The following HSPD1 variants were observed in gnomAD, a reference collection of about 807,000 sequenced individuals.
HSPD1 encodes heat shock protein family D (Hsp60) member 1.
HSPD1 carries 3 observed loss-of-function variants against 53.0 expected under a neutral mutation model. The observed-to-expected ratio is 0.06, with a 90% confidence interval of 0.03 to 0.15. The LOEUF is 0.15. Ranked by LOEUF, HSPD1 falls within the 10% of genes least tolerant of loss-of-function variation. The probability of loss-of-function intolerance (pLI) is 1.00; values close to 1 mark genes in which losing one functional copy is unlikely to be tolerated. For synonymous variants in HSPD1, 200 were observed against 228.0 expected (o/e 0.88, Z 1.10); for missense variants, 431 against 694.1 (o/e 0.62, Z 4.26).
At chr2:197,491,843 A>G (rs2086097174) in intron 7 of HSPD1, among the ~76,000 whole-genome samples, 1 of 152,224 alleles carries the variant, frequency 6.6e-6, no homozygotes, top group Non-Finnish European at 1.5e-5. Context: ...ACAACAGACT[A>G]AATACTTGAT....
rs373676717 is a variant in HSPD1 at position 197,495,478 on chromosome 2, TAA to T, written c.428-104_428-103del. ...TGACAAATATTTTAATGCCTTAACT[TAA>T]AAAAAAAAATTTTTTTTTTTTTTGA... On this transcript the variant is annotated intron_variant, in intron 3 of 11. Coordinates refer to ENST00000388968, the MANE Select transcript of HSPD1 (RefSeq NM_002156.5). The T allele has an allele frequency of 7.9e-6, 6 of 758,580 alleles. No homozygotes were observed. The East Asian group carries it at 1.2e-4, about 15-fold the overall frequency. The allele number at this position is 758,580 out of a possible 1,614,324, so 47.0% of individuals were successfully genotyped here.
intron 8 of HSPD1, 67 bp from the exon 9 acceptor site, chr2:197,489,314 A>T: frequency 2.0e-6 from 3 of 1,464,790 alleles, no homozygotes; most frequent in South Asian, 2.3e-5. Flanking sequence ...AAGTTTATTA[A>T]TACACCATGC....
At chr2:197,490,554 G>A in intron 7 of HSPD1, 1 of 442,262 alleles carries the variant, frequency 2.3e-6, no homozygotes, top group Non-Finnish European at 4.2e-6. Flanking sequence ...GGCCTGGCCG[G>A]GCGTGGTGAC....
intron 1 of HSPD1, 80 bp from the exon 2 acceptor site, chr2:197,498,930 A>C (rs2086197989): frequency 7.8e-7 from 1 of 1,283,564 alleles, no homozygotes; most frequent in East Asian, 2.4e-5. Context: ...TGTGCAACAG[A>C]GCAAGCAACG....
chr2:197,498,957 G>T, intron 1 of HSPD1, 107 bp from the exon 2 acceptor site: 1 of 971,054 alleles, frequency 1.0e-6, no homozygotes, highest in Non-Finnish European at 1.6e-6. Context: ...GCTGAGCCTG[G>T]CTGACCTCCG....
chr2:197,497,364 C>A lies in HSPD1; in HGVS notation c.203G>T (p.Trp68Leu). ...KGRTVIIEQS[W>L]GSPKVTKDGV... Reference sequence around the variant, plus strand: ...ATCTTTTGTTACTTTGGGACTTCCCCAACTCTGCTCAATAATCACTGTTCT... The same window carrying A: ...ATCTTTTGTTACTTTGGGACTTCCCAAACTCTGCTCAATAATCACTGTTCT... Residue 68 changes from tryptophan (W) to leucine (L), a missense_variant, in exon 3 of 12, where the codon TGG (tryptophan) becomes TTG (leucine). Transcript: ENST00000388968. The A allele has an allele frequency of 6.2e-7, 1 of 1,613,608 alleles. No individual in the cohort carries two copies. Among genetic ancestry groups the A allele is most frequent in the East Asian group, 2.2e-5 (1 of 44,892 alleles).
At position 197,494,726 on chromosome 2, in the gene HSPD1, G is replaced by A. The variant is rs765560118; in HGVS notation, c.537C>T (p.Asp179=). ...AQVATISANG[D]KEIGNIISDA... is the part of the protein sequence containing the mutation. ...CAGAGATGATATTGCCAATTTCTTT[G>A]TCTCCGTTTGCAGAAATCGTAGCAA... Residue 179 remains aspartate (D), a synonymous_variant, in exon 5 of 12, where the codon GAC becomes GAT. Transcript: ENST00000388968. 6.2e-7 allele frequency: 1 copy of A among 1,612,600 alleles called. No individual in the cohort carries two copies. Among genetic ancestry groups the A allele is most frequent in the Non-Finnish European group, 8.5e-7 (1 of 1,178,894 alleles).
At chr2:197,498,137 C>T (rs967156538) in intron 2 of HSPD1, among the ~76,000 whole-genome samples, 1 of 152,132 alleles carries the variant, frequency 6.6e-6, no homozygotes, top group African/African-American at 2.4e-5. Context: ...CTAATGAGTA[C>T]AAAGTTACAA....
At chr2:197,490,827 T>A (rs1037453561) in intron 7 of HSPD1, among the ~76,000 whole-genome samples, 1 of 152,196 alleles carries the variant, frequency 6.6e-6, no homozygotes, top group Non-Finnish European at 1.5e-5. Flanking sequence ...CATTTGAGGG[T>A]CATTTAATAA....
intron 1 of HSPD1, chr2:197,499,083 A>AT (rs1015107250): frequency 2.2e-5 from 13 of 584,142 alleles, no homozygotes; most frequent in Non-Finnish European, 3.7e-5. Flanking sequence ...CACAAAGCAC[A>AT]TGCGGCTCCT....
At chr2:197,496,458 C>G (rs978831690) in intron 3 of HSPD1, among the ~76,000 whole-genome samples, 3 of 152,182 alleles carry the variant, frequency 2.0e-5, no homozygotes, top group Admixed American at 2.0e-4. Flanking sequence ...TAGCTCCCCC[C>G]ACCTTCACTT....
At position 197,486,710 on chromosome 2, in the gene HSPD1, C is replaced by G. The variant is rs1013590567; in HGVS notation, c.*336G>C. The G allele has an allele frequency of 6.1e-6, 2 of 329,084 alleles. No individual in the cohort carries two copies. Among genetic ancestry groups the G allele is most frequent in the Non-Finnish European group, 1.2e-5 (2 of 170,466 alleles). The allele number at this position is 329,084 out of a possible 1,614,324, so 20.4% of individuals were successfully genotyped here. A position where few individuals can be genotyped will look rare whatever the true frequency, so the allele number is the denominator to read the frequency against. ...ACTTCTCATCTGGTGGTGGCAAGCA[C>G]TAAAATCCTGATTTTAACAGAATAG... On this transcript the variant is annotated 3_prime_UTR_variant, in exon 12 of 12. Transcript: ENST00000388968.
At position 197,487,829 on chromosome 2, in the gene HSPD1, G is replaced by A. The variant is rs116812660; in HGVS notation, c.1569+29C>T. The A allele has an allele frequency of 2.2e-4, 344 of 1,590,570 alleles. 2 individuals carry two copies. In the African/African-American group the frequency reaches 4.2e-3, roughly 19 times the overall value. On this transcript the variant is annotated intron_variant, in intron 11 of 11. Coordinates refer to ENST00000388968, the MANE Select transcript of HSPD1 (RefSeq NM_002156.5). ...TACATTAACAAAATGAACAACAAAAGAATTTTTAGAAAGTGTTCAACCATT... is the reference window on the plus strand; with the variant it reads ...TACATTAACAAAATGAACAACAAAAAAATTTTTAGAAAGTGTTCAACCATT...
chr2:197,489,342 A>G (rs918785953), intron 8 of HSPD1, 95 bp from the exon 9 acceptor site: 1 of 1,275,986 alleles, frequency 7.8e-7, no homozygotes, highest in Non-Finnish European at 1.1e-6. Flanking sequence ...TCATCAAAAT[A>G]CTTTATTTCT....
intron 1 of HSPD1, 110 bp from the exon 2 acceptor site, chr2:197,498,960 G>T: frequency 3.1e-6 from 3 of 961,064 alleles, no homozygotes; most frequent in Non-Finnish European, 4.9e-6. Flanking sequence ...GAGCCTGGCT[G>T]ACCTCCGCCA....
In HSPD1 at chr2:197,498,834, G is replaced by C. The variant is rs1397547522; in HGVS notation, c.15C>G (p.Pro5=). Residue 5 remains proline, a synonymous_variant, in exon 2 of 12, where the codon CCC becomes CCG. Transcript: ENST00000388968. MLRL[P]TVFRQMRPVS... ...CCGGTCTCATCTGGCGAAAGACTGT[G>C]GGTAACCGAAGCATTTCTGGGGATG... The C allele has an allele frequency of 1.2e-6, 2 of 1,614,044 alleles. No homozygotes were observed. Among genetic ancestry groups the C allele is most frequent in the Admixed American group, 1.7e-5 (1 of 60,006 alleles).
At chr2:197,498,409 G>A in intron 2 of HSPD1, among the ~76,000 whole-genome samples, 1 of 152,158 alleles carries the variant, frequency 6.6e-6, no homozygotes, top group Non-Finnish European at 1.5e-5. Context: ...TCTACCTCGA[G>A]TTTAAGAATC....
At chr2:197,498,889 C>G (rs1487570969) in intron 1 of HSPD1, 39 bp from the exon 2 acceptor site, 6 of 1,581,990 alleles carry the variant, frequency 3.8e-6, no homozygotes, top group Middle Eastern at 1.7e-4. Context: ...AACTACCACC[C>G]GTGGTGCGCT....
rs2086031165 is a variant in HSPD1 at position 197,486,816 on chromosome 2, A to C, written c.*230T>G. ...TGTACCCAGTATCAGGAATGTACAA[A>C]TGTTTTTTATTCAAAAATACAAAAT... On this transcript the variant is annotated 3_prime_UTR_variant, in exon 12 of 12. Coordinates refer to ENST00000388968, the MANE Select transcript of HSPD1 (RefSeq NM_002156.5). 2 of 523,634 alleles carry C rather than the reference A, an allele frequency of 3.8e-6. No homozygotes were observed. Among genetic ancestry groups the C allele is most frequent in the Non-Finnish European group, 6.9e-6 (2 of 290,602 alleles). The allele number at this position is 523,634 out of a possible 1,614,324, so 32.4% of individuals were successfully genotyped here. A position where few individuals can be genotyped will look rare whatever the true frequency, so the allele number is the denominator to read the frequency against.
Sources: allele counts gnomAD v4.1 joint callset (sites outside exome capture counted in the v4.1 genomes callset), GRCh38; gene constraint gnomAD v4.1.1; transcripts MANE v1.5; gene names NCBI Gene and HGNC (gene_info 2026-07-23, HGNC 2026-07-21).